Variants in DDRGK1 observed in about 807,000 individuals in gnomAD.
The protein encoded by DDRGK1 is DDRGK domain-containing protein 1.
In DDRGK1, 38 loss-of-function variants were observed where a neutral mutation model predicts 45.8. That is an observed-to-expected ratio of 0.83 (90% confidence interval 0.64 to 1.09). DDRGK1 has a LOEUF of 1.09. DDRGK1 is among the 50% of genes least tolerant of loss of function. The pLI is 0.00. For missense variants in DDRGK1, 403 were observed against 419.9 expected (o/e 0.96, Z 0.35); for synonymous variants, 171 against 168.7 (o/e 1.01, Z -0.11).
intron 4 of DDRGK1, among the ~76,000 whole-genome samples, chr20:3,198,100 TAAAAAAAAAAAAA>T (rs34302663): frequency 1.9e-5 from 1 of 53,030 alleles, no homozygotes; most frequent in African/African-American, 7.7e-5. Context: ...CCATCTCTCT[TAAAAAAAAAAAAA>T]AAAAAAAAAA....
Position 3,190,627 on chromosome 20 carries a change from C to CT in DDRGK1, c.*25dup, listed in dbSNP as rs761513857. The CT allele has an allele frequency of 6.2e-7, 1 of 1,611,882 alleles. No homozygotes were observed. Among genetic ancestry groups the CT allele is most frequent in the Non-Finnish European group, 8.5e-7 (1 of 1,179,276 alleles). On this transcript the variant is annotated 3_prime_UTR_variant, in exon 9 of 9. Transcript: ENST00000354488. ...TATAGCCAGGTAGGCCACACCAACT[C>CT]TGAGTCCAAGAGGGAAGGACTGGGG...
intron 6 of DDRGK1, among the ~76,000 whole-genome samples, chr20:3,193,670 C>G (rs564625716): frequency 6.6e-6 from 1 of 152,328 alleles, no homozygotes; most frequent in South Asian, 2.1e-4. Flanking sequence ...CATGCCCGGA[C>G]AAGCTGGAAA....
chr20:3,199,916 G>T, intron 4 of DDRGK1, 85 bp downstream of exon 4: 1 of 1,281,500 alleles, frequency 7.8e-7, no homozygotes, highest in Non-Finnish European at 1.1e-6. Context: ...CCACCTTCTA[G>T]GTTGGAGGTG....
chr20:3,190,586 G>A lies in DDRGK1; in HGVS notation c.*67C>T, dbSNP rs1008156287. On this transcript the variant is annotated 3_prime_UTR_variant, in exon 9 of 9. Transcript: ENST00000354488. ...ACACCATCACTTCCCCAGGATGGTG[G>A]GGAGGGATGAAGATGTATAGCCAGG... is the stretch of plus-strand genomic sequence containing the variant. 3.8e-6 allele frequency: 6 copies of A among 1,566,492 alleles called. No homozygotes were observed. In the African/African-American group the frequency reaches 6.8e-5, roughly 18 times the overall value.
chr20:3,190,683 GC>G lies in DDRGK1; in HGVS notation c.914del (p.Gly305AlafsTer55). On this transcript the variant is annotated frameshift_variant, in exon 9 of 9. Transcript: ENST00000354488. LOFTEE classifies it high-confidence loss of function. ...AQASNSLIAW[G>X]RESPAQAPA is the part of the protein sequence containing the mutation. ...CTGGGGCTTGGGCAGGGGACTCCCG[GC>G]CCCAGGCGATGAGGGAGTTGCTGGC... The G allele has an allele frequency of 6.2e-7, 1 of 1,613,986 alleles. No individual in the cohort carries two copies. Among genetic ancestry groups the G allele is most frequent in the Admixed American group, 1.7e-5 (1 of 60,024 alleles).
chr20:3,204,644 C>A lies in DDRGK1; in HGVS notation c.-17G>T, dbSNP rs1165764715. On this transcript the variant is annotated 5_prime_UTR_variant, in exon 1 of 9. Coordinates refer to ENST00000354488, the MANE Select transcript of DDRGK1 (RefSeq NM_023935.3). ...CGCCACCATGACGAGGGCCTCAGTG[C>A]AGAACCACTGCGTCCACCCTGAGGC... is the stretch of plus-strand genomic sequence containing the variant. 4 of 1,567,802 alleles carry A rather than the reference C, an allele frequency of 2.6e-6. No homozygotes were observed.
Position 3,191,210 on chromosome 20 carries a change from A to G in DDRGK1, c.758T>C (p.Leu253Pro), listed in dbSNP as rs1366324478. 6.2e-7 allele frequency: 1 copy of G among 1,614,222 alleles called. No individual in the cohort carries two copies. The highest frequency in any genetic ancestry group is 1.7e-5 in the Admixed American group (1 of 60,020). ...CTCACCTGTTATAGTCCCCTCAGCC[A>G]GCAGGTCCTGGATGCGATTTATGGT... ...QDTINRIQDL[L>P]AEGTITGVID... The change falls in exon 8 of 9, where the codon CTG becomes CCG. Residue 253 changes from leucine (L) to proline (P), a missense_variant. Physicochemically the swap from Leu to Pro is moderately conservative, Grantham distance 98. Coordinates refer to ENST00000354488, the MANE Select transcript of DDRGK1 (RefSeq NM_023935.3).
rs150309651 is a variant in DDRGK1 at position 3,191,972 on chromosome 20, GACACACACACACACACAC to G, written c.673-169_673-152del. The G allele has an allele frequency of 1.6e-3, 877 of 562,760 alleles. 13 individuals carry two copies. The East Asian group carries it at 0.021, about 13-fold the overall frequency. The allele number at this position is 562,760 out of a possible 1,614,324, so 34.9% of individuals were successfully genotyped here. ...TCCTGTAGGACAGCCTTGCTCCCCT[GACACACACACACACACAC>G]ACACACACACTCACTATCACCCATT... On this transcript the variant is annotated intron_variant, in intron 6 of 8. Coordinates refer to ENST00000354488, the MANE Select transcript of DDRGK1 (RefSeq NM_023935.3).
At chr20:3,194,767 G>A (rs765498192) in intron 6 of DDRGK1, 63 bp downstream of exon 6, 1 of 1,605,220 alleles carries the variant, frequency 6.2e-7, no homozygotes, top group Admixed American at 1.7e-5. Flanking sequence ...CCCGCTGGAG[G>A]CATCCAACCT....
chr20:3,203,873 CGCGCAGGT>C (rs71992021), intron 1 of DDRGK1, among the ~76,000 whole-genome samples: 17,277 of 152,200 alleles, frequency 0.11, 1,088 homozygotes, highest in African/African-American at 0.13. Context: ...CTCCTGGGAG[CGCGCAGGT>C]GCTCAGAGGT....
intron 5 of DDRGK1, 73 bp from the exon 6 acceptor site, chr20:3,194,941 A>G: frequency 6.3e-7 from 1 of 1,579,384 alleles, no homozygotes; most frequent in Non-Finnish European, 8.6e-7. Flanking sequence ...TCACCCAAGT[A>G]CCACCTGCTC....
At chr20:3,204,395 C>G (rs111988598) in intron 1 of DDRGK1, 142 bp downstream of exon 1, 1 of 813,562 alleles carries the variant, frequency 1.2e-6, no homozygotes, top group Non-Finnish European at 1.9e-6. Flanking sequence ...AAGCCCCACC[C>G]GGCACACGAC....
intron 4 of DDRGK1, 105 bp downstream of exon 4, chr20:3,199,896 G>A: frequency 9.3e-7 from 1 of 1,071,536 alleles, no homozygotes; most frequent in Non-Finnish European, 1.3e-6. Flanking sequence ...CCTTGTGCCA[G>A]GTCTATGGCC....
At chr20:3,202,149 T>A (rs1434334966) in intron 2 of DDRGK1, among the ~76,000 whole-genome samples, 2 of 150,258 alleles carry the variant, frequency 1.3e-5, no homozygotes, top group Admixed American at 6.6e-5. Context: ...CCGGCTAATT[T>A]TTTGTATTGT....
intron 4 of DDRGK1, among the ~76,000 whole-genome samples, chr20:3,199,137 G>A (rs559063407): frequency 4.0e-5 from 6 of 150,720 alleles, no homozygotes; most frequent in South Asian, 2.1e-4. Context: ...CCTGGGCAAC[G>A]GAGCAAGACC....
chr20:3,198,231 C>A (rs538598915), intron 4 of DDRGK1, among the ~76,000 whole-genome samples: 2 of 149,640 alleles, frequency 1.3e-5, no homozygotes, highest in East Asian at 4.0e-4. Context: ...CATGGTGAAA[C>A]CCTCTCTCTA....
intron 4 of DDRGK1, among the ~76,000 whole-genome samples, chr20:3,196,547 G>C (rs1358826704): frequency 7.2e-6 from 1 of 139,284 alleles, no homozygotes; most frequent in Non-Finnish European, 1.6e-5. Flanking sequence ...CGGGCGTGGT[G>C]GTGGGCGCCT....
intron 2 of DDRGK1, 35 bp downstream of exon 2, chr20:3,203,178 C>G: frequency 6.6e-7 from 1 of 1,505,622 alleles, no homozygotes; most frequent in Non-Finnish European, 8.9e-7. Flanking sequence ...CCCTCCAACC[C>G]AAACCCTCTC....
chr20:3,203,449 A>G (rs1486456671), intron 1 of DDRGK1, 33 bp from the exon 2 acceptor site: 6 of 1,504,938 alleles, frequency 4.0e-6, no homozygotes, highest in Non-Finnish European at 4.4e-6. Context: ...AATGCTGCCT[A>G]TAAGCCCAGC....
Sources: allele counts gnomAD v4.1 joint callset (sites outside exome capture counted in the v4.1 genomes callset), GRCh38; gene constraint gnomAD v4.1.1; transcripts MANE v1.5; gene names NCBI Gene and HGNC (gene_info 2026-07-23, HGNC 2026-07-21).